Variants in CFAP70 observed in about 807,000 individuals in gnomAD.
CFAP70 encodes the protein cilia- and flagella-associated protein 70.
A neutral mutation model predicts 137.6 loss-of-function variants in CFAP70; 81 were observed. The ratio of observed to expected loss-of-function variants is 0.59; its 90% CI spans 0.49 to 0.71. The LOEUF (loss-of-function observed/expected upper bound fraction) is 0.71, where lower values mean the gene tolerates loss of function less well. Ranked by LOEUF, CFAP70 falls within the 30% of genes least tolerant of loss-of-function variation. The pLI, the probability that CFAP70 is intolerant of heterozygous loss-of-function variation, is 0.00. For missense variants in CFAP70, 976 were observed against 1,226.7 expected (o/e 0.80, Z 3.05); for synonymous variants, 382 against 423.6 (o/e 0.90, Z 1.20).
chr10:73,347,240 T>C (rs1359733603), intron 4 of CFAP70, among the ~76,000 whole-genome samples: 1 of 152,112 alleles, frequency 6.6e-6, no homozygotes. Context: ...GGACCTTAAC[T>C]TGTAAGCAGT....
intron 8 of CFAP70, among the ~76,000 whole-genome samples, chr10:73,330,392 G>C (rs2051951410): frequency 6.7e-6 from 1 of 149,892 alleles, no homozygotes; most frequent in East Asian, 2.0e-4. Context: ...AGAGGTTGCA[G>C]TGAGCCAAGA....
chr10:73,277,220 C>G lies in CFAP70; in HGVS notation c.2520+20G>C, dbSNP rs1284292593. The G allele has an allele frequency of 2.5e-6, 4 of 1,600,022 alleles. 1 individual carries two copies. In the South Asian group the frequency reaches 4.5e-5, roughly 18 times the overall value. ...TGCTAAAATCTTTCCATCTACTTGC[C>G]CTTTTCCAAATACTCTGACCTGCAC... On this transcript the variant is annotated intron_variant, in intron 21 of 26. Transcript: ENST00000310715.
At chr10:73,296,789 C>G in intron 15 of CFAP70, 1 of 278,290 alleles carries the variant, frequency 3.6e-6, no homozygotes, top group Non-Finnish European at 6.7e-6. Context: ...TTTGACAATT[C>G]CATCACATTT....
intron 9 of CFAP70, among the ~76,000 whole-genome samples, chr10:73,318,911 A>T (rs904806790): frequency 6.6e-6 from 1 of 152,148 alleles, no homozygotes; most frequent in African/African-American, 2.4e-5. Context: ...TTTTGCAAAA[A>T]GTTTTTACCA....
At chr10:73,269,518 C>G (rs1354159546) in intron 25 of CFAP70, 96 bp downstream of exon 26, 1 of 774,424 alleles carries the variant, frequency 1.3e-6, no homozygotes, top group South Asian at 1.6e-5. Context: ...CAGATTTCAG[C>G]TACCATGCAT....
chr10:73,300,090 T>C (rs1157113586), intron 12 of CFAP70, among the ~76,000 whole-genome samples: 2 of 152,204 alleles, frequency 1.3e-5, no homozygotes, highest in Admixed American at 6.5e-5. Context: ...GCAAAACCTC[T>C]TCTTTCCTCC....
At chr10:73,257,669 G>A (rs890266791) in intron 25 of CFAP70, among the ~76,000 whole-genome samples, 10 of 152,154 alleles carry the variant, frequency 6.6e-5, no homozygotes, top group Admixed American at 6.5e-4. Context: ...CCCAACTGAA[G>A]TTCACTGAAT....
chr10:73,261,924 T>A (rs11000566), intron 25 of CFAP70, among the ~76,000 whole-genome samples: 22,845 of 150,136 alleles, frequency 0.15, 2,847 homozygotes, highest in African/African-American at 0.32. Flanking sequence ...AGTTACAAAA[T>A]CAGTTCTCTC....
At chr10:73,349,170 CAGA>C (rs2053977281) in intron 3 of CFAP70, among the ~76,000 whole-genome samples, 1 of 151,868 alleles carries the variant, frequency 6.6e-6, no homozygotes, top group African/African-American at 2.4e-5. Flanking sequence ...CTATTTCATA[CAGA>C]AGAACTTACT....
At chr10:73,313,188 C>T (rs1415090381) in intron 9 of CFAP70, among the ~76,000 whole-genome samples, 2 of 151,602 alleles carry the variant, frequency 1.3e-5, no homozygotes, top group Middle Eastern at 3.5e-3. Context: ...CTGGCTAACA[C>T]GGTGAAACCA....
At chr10:73,357,819 T>A (rs2054787659) in intron 1 of CFAP70, among the ~76,000 whole-genome samples, 1 of 152,230 alleles carries the variant, frequency 6.6e-6, no homozygotes, top group African/African-American at 2.4e-5. Context: ...ATCCTACTCA[T>A]CCTTTAAAAT....
At chr10:73,332,717 G>C (rs2052244938) in intron 7 of CFAP70, among the ~76,000 whole-genome samples, 1 of 152,068 alleles carries the variant, frequency 6.6e-6, no homozygotes, top group South Asian at 2.1e-4. Context: ...GGGAGGTGGG[G>C]GAAAAAGGAA....
intron 5 of CFAP70, among the ~76,000 whole-genome samples, chr10:73,343,270 C>A (rs1352907586): frequency 6.6e-6 from 1 of 151,602 alleles, no homozygotes; most frequent in Non-Finnish European, 1.5e-5. Flanking sequence ...CTGGCAGCAG[C>A]AGCAACTCAG....
At chr10:73,350,106 C>G (rs931018108) in intron 3 of CFAP70, among the ~76,000 whole-genome samples, 6 of 152,164 alleles carry the variant, frequency 3.9e-5, no homozygotes, top group African/African-American at 1.2e-4. Flanking sequence ...TGTCATGTTT[C>G]TTTTCATTTA....
chr10:73,257,993 A>G (rs1171989844), intron 25 of CFAP70, among the ~76,000 whole-genome samples: 1 of 151,722 alleles, frequency 6.6e-6, no homozygotes, highest in Non-Finnish European at 1.5e-5. Context: ...CCTGGGTTCA[A>G]GCGATTCTCC....
chr10:73,324,347 G>A (rs1292739111), intron 8 of CFAP70, among the ~76,000 whole-genome samples: 7 of 152,220 alleles, frequency 4.6e-5, no homozygotes, highest in South Asian at 2.1e-4. Context: ...CATCACCATC[G>A]TCAAAGACCA....
intron 25 of CFAP70, among the ~76,000 whole-genome samples, chr10:73,267,412 C>T (rs1810717844): frequency 6.6e-6 from 1 of 152,186 alleles, no homozygotes; most frequent in Non-Finnish European, 1.5e-5. Context: ...CTGAAGGCTT[C>T]TAAAAGCCTA....
chr10:73,299,760 G>A (rs927965360), intron 12 of CFAP70, 95 bp from the exon 14 acceptor site: 3 of 972,306 alleles, frequency 3.1e-6, no homozygotes, highest in Admixed American at 4.8e-5. Flanking sequence ...GTGTCTGGGT[G>A]GGGGAGATCT....
intron 6 of CFAP70, among the ~76,000 whole-genome samples, chr10:73,339,292 A>T (rs2053014354): frequency 6.6e-6 from 1 of 152,080 alleles, no homozygotes; most frequent in Non-Finnish European, 1.5e-5. Context: ...ATTTCCAAGG[A>T]AACCTTTTCT....
Sources: gnomAD v4.1 joint callset for allele counts (sites outside exome capture counted in the v4.1 genomes callset) on GRCh38, gnomAD v4.1.1 for gene constraint, MANE v1.5 for transcripts, NCBI Gene and HGNC (gene_info 2026-07-23, HGNC 2026-07-21) for gene names.